Variants in PLK5 observed in about 807,000 individuals in gnomAD.
The protein encoded by PLK5 is inactive serine/threonine-protein kinase PLK5.
In PLK5, 28 loss-of-function variants were observed where a neutral mutation model predicts 33.7. The ratio of observed to expected loss-of-function variants is 0.83; its 90% CI spans 0.62 to 1.14. PLK5 has a LOEUF of 1.14. Ranked by LOEUF, PLK5 falls within the 50% of genes most tolerant of loss-of-function variation. The pLI is 0.00. For synonymous variants in PLK5, 225 were observed against 202.2 expected, an observed-to-expected ratio of 1.11 and a Z score of -0.96; for missense variants, 492 against 461.5, an observed-to-expected ratio of 1.07 and a Z score of -0.61.
Position 1,533,870 on chromosome 19 carries a change from G to C in PLK5, c.715-61G>C, listed in dbSNP as rs1026010377. On this transcript the variant is annotated intron_variant, in intron 12 of 13. Transcript: ENST00000454744. Reference sequence around the variant, plus strand: ...GGAGGTGAGAGCTGGGGTGCTGGGTGTGGGGGCGAGGGGTGGGGACGCCCC... The same window carrying C: ...GGAGGTGAGAGCTGGGGTGCTGGGTCTGGGGGCGAGGGGTGGGGACGCCCC... 1.1e-5 allele frequency: 14 copies of C among 1,332,612 alleles called. 1 individual carries two copies. The African/African-American group carries it at 1.2e-4, about 11-fold the overall frequency. 82.5% of individuals were successfully genotyped at this position (1,332,612 alleles called of 1,614,324 possible).
rs1202839844 is a variant in PLK5, at chr19:1,535,521, C to G, written c.*271C>G. ...GAGCTTTGGCAAAGAAACGTTGACC[C>G]CACGTGACGTTGCATCCTCCCTGTT... On this transcript the variant is annotated 3_prime_UTR_variant, in exon 14 of 14. Coordinates refer to ENST00000454744, the MANE Select transcript of PLK5 (RefSeq NM_001243079.2). 1 of 465,388 alleles carries G rather than the reference C, an allele frequency of 2.1e-6. No individual in the cohort carries two copies. The highest frequency in any genetic ancestry group is 3.8e-6 in the Non-Finnish European group (1 of 266,288). The allele number at this position is 465,388 out of a possible 1,614,324, so 28.8% of individuals were successfully genotyped here. A position where few individuals can be genotyped will look rare whatever the true frequency, so the allele number is the denominator to read the frequency against.
chr19:1,535,030 C>G, intron 13 of PLK5, 35 bp from the exon 14 acceptor site: 1 of 1,474,402 alleles, frequency 6.8e-7, no homozygotes, highest in Non-Finnish European at 9.0e-7. Flanking sequence ...GCAGGGGTAC[C>G]CGTCTCCCCT....
chr19:1,526,908 T>C lies in PLK5; in HGVS notation c.-89T>C. ...CCCCATGACGCCCTTCCTAGAGTACTCTGTGGGACCCCTAACTTCCTGGAC... is the reference window on the plus strand; with the variant it reads ...CCCCATGACGCCCTTCCTAGAGTACCCTGTGGGACCCCTAACTTCCTGGAC... On this transcript the variant is annotated 5_prime_UTR_variant, in exon 6 of 14. Coordinates refer to ENST00000454744, the MANE Select transcript of PLK5 (RefSeq NM_001243079.2). 3 of 1,469,934 alleles carry C rather than the reference T, an allele frequency of 2.0e-6. No individual in the cohort carries two copies. The highest frequency in any genetic ancestry group is 2.5e-5 in the East Asian group (1 of 40,540). 91.1% of individuals were successfully genotyped at this position (1,469,934 alleles called of 1,614,324 possible). A position where few individuals can be genotyped will look rare whatever the true frequency, so the allele number is the denominator to read the frequency against.
At position 1,534,621 on chromosome 19, in the gene PLK5, C is replaced by T. The variant is rs571848641; in HGVS notation, c.826-444C>T. On this transcript the variant is annotated intron_variant, in intron 13 of 13. Transcript: ENST00000454744. ...GAGATAGAGACCATCCTGCCTAACACGGTGAAACCCCGTCTCTACTAAAAA... is the reference window on the plus strand; with the variant it reads ...GAGATAGAGACCATCCTGCCTAACATGGTGAAACCCCGTCTCTACTAAAAA... Among the ~76,000 whole-genome samples the T allele has an allele frequency of 6.4e-4, 93 of 145,104 alleles. 1 individual carries two copies. The highest frequency in any genetic ancestry group is 2.0e-3 in the African/African-American group (78 of 38,980).
chr19:1,528,857 GC>G, intron 8 of PLK5, 40 bp from the exon 9 acceptor site: 3 of 1,436,740 alleles, frequency 2.1e-6, no homozygotes, highest in Non-Finnish European at 2.7e-6. Flanking sequence ...CCAGCTTGGG[GC>G]CCAGGCTGTG....
intron 12 of PLK5, 55 bp downstream of exon 12, chr19:1,531,938 C>T (rs1433975478): frequency 7.0e-7 from 1 of 1,418,500 alleles, no homozygotes. Context: ...TGCCTTTTTT[C>T]ATTCATCTCT....
At position 1,529,444 on chromosome 19, in the gene PLK5, C is replaced by G. The variant is rs1416365516; in HGVS notation, c.444C>G (p.Gly148=). The change falls in exon 10 of 14, where the codon GGC becomes GGG. Residue 148 remains glycine (G), a synonymous_variant. Coordinates refer to ENST00000454744, the MANE Select transcript of PLK5 (RefSeq NM_001243079.2). ...LSAKEVPCLE[G]PIHLVAQGTL... is the part of the protein sequence containing the mutation. ...CGAAAGAGGTTCCCTGCCTGGAAGG[C>G]CCCATCCACCTGGTCGCACAAGGGA... 1 of 1,535,902 alleles carries G rather than the reference C, an allele frequency of 6.5e-7. No individual in the cohort carries two copies. Among genetic ancestry groups the G allele is most frequent in the East Asian group, 2.4e-5 (1 of 40,928 alleles).
intron 11 of PLK5, among the ~76,000 whole-genome samples, chr19:1,530,583 TCAGCCACCACGC>T (rs1213424900): frequency 7.0e-6 from 1 of 142,304 alleles, no homozygotes; most frequent in Non-Finnish European, 1.5e-5. Context: ...ACAGACGTCG[TCAGCCACCACGC>T]CTGGGCGCAT....
At chr19:1,533,613 G>A in intron 12 of PLK5, 1 of 538,426 alleles carries the variant, frequency 1.9e-6, no homozygotes, top group South Asian at 3.0e-5. Flanking sequence ...GGTGTAACTA[G>A]GGCAGAGCTG....
intron 8 of PLK5, among the ~76,000 whole-genome samples, chr19:1,528,697 C>T (rs1913831655): frequency 7.0e-6 from 1 of 142,872 alleles, no homozygotes; most frequent in Admixed American, 6.9e-5. Flanking sequence ...CTCACACCTC[C>T]CACCTGCCCA....
chr19:1,530,874 T>C (rs1913909564), intron 11 of PLK5, among the ~76,000 whole-genome samples: 1 of 151,418 alleles, frequency 6.6e-6, no homozygotes, highest in South Asian at 2.1e-4. Context: ...TGTCTCGGCC[T>C]CCCAAAGTGC....
intron 6 of PLK5, 33 bp from the exon 7 acceptor site, chr19:1,527,903 G>C (rs747172036): frequency 2.6e-6 from 4 of 1,521,568 alleles, no homozygotes; most frequent in Non-Finnish European, 3.5e-6. Context: ...GCGATGCCTG[G>C]ACACCCAGGT....
rs189168604 is a variant in PLK5 at position 1,533,311 on chromosome 19, G to A, written c.715-620G>A. 9.2e-4 allele frequency among the ~76,000 whole-genome samples: 140 copies of A among 151,782 alleles called. 1 individual carries two copies. The highest frequency in any genetic ancestry group is 3.2e-3 in the African/African-American group (134 of 41,428). ...TCTCCATGTTGGCCAGGCTGGTCTC[G>A]AACTCCCGACCTCAGGTGATCCTCC... On this transcript the variant is annotated intron_variant, in intron 12 of 13. Transcript: ENST00000454744.
intron 13 of PLK5, 127 bp from the exon 14 acceptor site, chr19:1,534,937 TG>T: frequency 1.2e-6 from 1 of 852,512 alleles, no homozygotes; most frequent in Non-Finnish European, 1.7e-6. Flanking sequence ...TTCCTGTGGC[TG>T]GGGCAGGCAC....
At chr19:1,533,302 G>A (rs1599307701) in intron 12 of PLK5, among the ~76,000 whole-genome samples, 1 of 151,872 alleles carries the variant, frequency 6.6e-6, no homozygotes, top group South Asian at 2.1e-4. Context: ...TGTTGGCCAG[G>A]CTGGTCTCGA....
intron 13 of PLK5, 45 bp from the exon 14 acceptor site, chr19:1,535,020 G>A: frequency 1.4e-6 from 2 of 1,446,316 alleles, no homozygotes; most frequent in Non-Finnish European, 1.8e-6. Context: ...GGAGGCAGGT[G>A]CAGGGGTACC....
chr19:1,528,844 C>A (rs1000182542), intron 8 of PLK5, 54 bp from the exon 9 acceptor site: 37 of 1,349,776 alleles, frequency 2.7e-5, no homozygotes, highest in Admixed American at 2.8e-5. Context: ...TGCCCCCCTA[C>A]CCCCAGCTTG....
Position 1,535,194 on chromosome 19 carries a change from GCCC to G in PLK5, c.958_960del (p.Pro320del), listed in dbSNP as rs58035688. On this transcript the variant is annotated inframe_deletion, in exon 14 of 14. Transcript: ENST00000454744. ...GGACGTCCCGCGGAGCCACGGCTGC[GCCC>G]CCACCACCGGACAGCACCTTCACCA... The G allele has an allele frequency of 0.24, 368,253 of 1,534,400 alleles. 54,432 individuals carry two copies. The highest frequency in any genetic ancestry group is 0.67 in the East Asian group (27,441 of 40,802).
intron 8 of PLK5, 131 bp from the exon 9 acceptor site, chr19:1,528,767 C>G: frequency 2.3e-6 from 2 of 859,028 alleles, no homozygotes; most frequent in South Asian, 1.8e-5. Flanking sequence ...GCCCACACCT[C>G]CCACCTGCCC....
Sources: gnomAD v4.1 joint callset for allele counts (sites outside exome capture counted in the v4.1 genomes callset) on GRCh38, gnomAD v4.1.1 for gene constraint, MANE v1.5 for transcripts, NCBI Gene and HGNC (gene_info 2026-07-23, HGNC 2026-07-21) for gene names.